Variants in MYLIP observed in about 807,000 individuals in gnomAD.
MYLIP encodes the protein E3 ubiquitin-protein ligase MYLIP.
Under a neutral mutation model 45.8 loss-of-function variants are expected in MYLIP, and 26 were observed. That is an observed-to-expected ratio of 0.57 (90% CI 0.42 to 0.79). The LOEUF (loss-of-function observed/expected upper bound fraction) is 0.79, where lower values mean the gene tolerates loss of function less well. Ranked by LOEUF, MYLIP falls within the 30% of genes least tolerant of loss-of-function variation. MYLIP has a pLI of 0.00. For missense variants in MYLIP, 494 were observed against 555.6 expected (o/e 0.89, Z 1.11); for synonymous variants, 213 against 218.1 (o/e 0.98, Z 0.21).
At chr6:16,141,238 A>C (rs1219381668) in intron 2 of MYLIP, among the ~76,000 whole-genome samples, 1 of 152,130 alleles carries the variant, frequency 6.6e-6, no homozygotes, top group Non-Finnish European at 1.5e-5. Context: ...AAAGGTGAGA[A>C]TTTTGTCTTT....
Position 16,143,828 on chromosome 6 carries a change from C to G in MYLIP, c.792C>G (p.Leu264=). The G allele has an allele frequency of 6.2e-7, 1 of 1,613,192 alleles. No homozygotes were observed. Reference sequence around the variant, plus strand: ...TCAGCACCAGGGCGGCCAGCGGGCTCTACCGAGCGATAACAGAGACGCACG... The same window carrying G: ...TCAGCACCAGGGCGGCCAGCGGGCTGTACCGAGCGATAACAGAGACGCACG... The part of the protein sequence containing the change: ...KMISTRAASG[L]YRAITETHAF... Residue 264 remains leucine, a synonymous_variant, in exon 5 of 7, where the codon CTC becomes CTG. Coordinates refer to ENST00000356840, the MANE Select transcript of MYLIP (RefSeq NM_013262.4).
chr6:16,129,208 C>A lies in MYLIP; in HGVS notation c.-115C>A. The A allele has an allele frequency of 8.9e-7, 1 of 1,118,198 alleles. No homozygotes were observed. 69.3% of individuals were successfully genotyped at this position (1,118,198 alleles called of 1,614,324 possible). Reference sequence around the variant, plus strand: ...CCCCGGACAAGGGTCCGCAGAGCTGCAGCCTTCGAGGGCCAGCCCTCTCCG... The same window carrying A: ...CCCCGGACAAGGGTCCGCAGAGCTGAAGCCTTCGAGGGCCAGCCCTCTCCG... On this transcript the variant is annotated 5_prime_UTR_variant, in exon 1 of 7. Transcript: ENST00000356840. This position sits in a 1 kb window ranked among gnomAD's most constrained non-coding sequence, Gnocchi z 5.1.
chr6:16,138,197 C>T (rs1278773587), intron 2 of MYLIP, among the ~76,000 whole-genome samples: 1 of 152,068 alleles, frequency 6.6e-6, no homozygotes, highest in African/African-American at 2.4e-5. Flanking sequence ...TAGGATGTAG[C>T]CTCTATTGAA....
rs565060432 is a variant in MYLIP, at chr6:16,145,920, C to T, written c.1248+603C>T. Among the ~76,000 whole-genome samples, 129 of 152,254 alleles carry T rather than the reference C, an allele frequency of 8.5e-4. 2 individuals are homozygous for T. The highest frequency in any genetic ancestry group is 2.8e-3 in the African/African-American group (116 of 41,546). On this transcript the variant is annotated intron_variant, in intron 6 of 6. Transcript: ENST00000356840. ...TTGCATGAAGAAGAATTTTAAATTT[C>T]CTCTTACAAGTTTTTTCAATTTGTT...
Position 16,143,717 on chromosome 6 carries a change from G to A in MYLIP, c.681G>A (p.Val227=). Residue 227 remains valine, a synonymous_variant, in exon 5 of 7, where the codon GTG becomes GTA. Coordinates refer to ENST00000356840, the MANE Select transcript of MYLIP (RefSeq NM_013262.4). Reference sequence around the variant, plus strand: ...CTCTTAGGATAGCTTATCCTGTGGTGCAGATGGCCACCCAGTCAGGAAAGA... The same window carrying A: ...CTCTTAGGATAGCTTATCCTGTGGTACAGATGGCCACCCAGTCAGGAAAGA... The part of the protein sequence containing the change: ...SPINRIAYPV[V]QMATQSGKNV... 6.2e-7 allele frequency: 1 copy of A among 1,614,098 alleles called. No homozygotes were observed. The highest frequency in any genetic ancestry group is 8.5e-7 in the Non-Finnish European group (1 of 1,180,002).
chr6:16,141,391 G>C (rs918348716), intron 2 of MYLIP, among the ~76,000 whole-genome samples: 1 of 152,176 alleles, frequency 6.6e-6, no homozygotes, highest in Admixed American at 6.5e-5. Context: ...TACCGAACTT[G>C]TGTTAAATAA....
At chr6:16,149,317 G>GAAAACC (rs1182496122), downstream of MYLIP, among the ~76,000 whole-genome samples, 3 of 152,194 alleles carry the variant, frequency 2.0e-5, no homozygotes, top group Non-Finnish European at 2.9e-5. Context: ...TAAGCTCAGT[G>GAAAACC]ACTAACATGA....
At chr6:16,139,226 C>A (rs1759614581) in intron 2 of MYLIP, among the ~76,000 whole-genome samples, 1 of 152,130 alleles carries the variant, frequency 6.6e-6, no homozygotes, top group South Asian at 2.1e-4. Context: ...CACGGTGAAA[C>A]CCCGTCTCTA....
intron 2 of MYLIP, among the ~76,000 whole-genome samples, chr6:16,133,667 C>T (rs1012272747): frequency 6.6e-6 from 1 of 152,218 alleles, no homozygotes; most frequent in African/African-American, 2.4e-5. Flanking sequence ...ATTTTGTCAA[C>T]ATTTCCAAAA....
chr6:16,144,119 A>T (rs1199668772), intron 5 of MYLIP, among the ~76,000 whole-genome samples: 1 of 152,072 alleles, frequency 6.6e-6, no homozygotes, highest in Non-Finnish European at 1.5e-5. Context: ...TTATGCCATT[A>T]ATCTAGACAC....
At chr6:16,141,915 A>G in intron 3 of MYLIP, 105 bp downstream of exon 3, 1 of 1,107,784 alleles carries the variant, frequency 9.0e-7, no homozygotes, top group Non-Finnish European at 1.2e-6. Flanking sequence ...AGTTTTATGT[A>G]CATTTTTGAG....
chr6:16,135,846 A>C (rs955549689), intron 2 of MYLIP, among the ~76,000 whole-genome samples: 11 of 147,932 alleles, frequency 7.4e-5, no homozygotes, highest in Admixed American at 1.4e-4. Context: ...TGTACACTAT[A>C]TATTCTACTC....
intron 2 of MYLIP, 154 bp from the exon 3 acceptor site, chr6:16,141,471 C>T (rs907764001): frequency 4.5e-6 from 3 of 661,748 alleles, no homozygotes; most frequent in African/African-American, 3.6e-5. Flanking sequence ...TGCCTTAATA[C>T]TGATGATTTT....
downstream of MYLIP, among the ~76,000 whole-genome samples, chr6:16,148,443 C>CTT (rs755832345): frequency 2.8e-5 from 3 of 106,790 alleles, no homozygotes; most frequent in Non-Finnish European, 4.1e-5. Context: ...AGAGTATAGT[C>CTT]TTTTTTTTTT....
At chr6:16,152,188 T>C (rs1283310100), downstream of MYLIP, among the ~76,000 whole-genome samples, 6 of 152,196 alleles carry the variant, frequency 3.9e-5, no homozygotes, top group African/African-American at 7.2e-5. Flanking sequence ...TGAAGAGACA[T>C]GACTGCTGGA....
At chr6:16,152,186 C>G (rs1759886839), downstream of MYLIP, among the ~76,000 whole-genome samples, 1 of 152,204 alleles carries the variant, frequency 6.6e-6, no homozygotes, top group Non-Finnish European at 1.5e-5. Flanking sequence ...CATGAAGAGA[C>G]ATGACTGCTG....
the MYLIP span, among the ~76,000 whole-genome samples, chr6:16,154,682 C>G: frequency 6.6e-6 from 1 of 152,114 alleles, no homozygotes; most frequent in Non-Finnish European, 1.5e-5. Flanking sequence ...TTTTGTTTTG[C>G]TTTGCTTTTA....
At chr6:16,156,524 C>G in the MYLIP span, among the ~76,000 whole-genome samples, 1 of 152,220 alleles carries the variant, frequency 6.6e-6, no homozygotes, top group Non-Finnish European at 1.5e-5. Flanking sequence ...AAGACACAAG[C>G]TGCACCTCTT....
chr6:16,129,770 G>A lies in MYLIP; in HGVS notation c.87+361G>A, dbSNP rs1425233857. ...GTGATGCCGCCTGTCGGGTCCCCGC[G>A]GCGCCTGGCAGTGCCACCCGCGTGC... On this transcript the variant is annotated intron_variant, in intron 1 of 6. Transcript: ENST00000356840. The surrounding 1 kb of genome is among the most constrained non-coding windows in gnomAD (Gnocchi z 5.1). 6.6e-6 allele frequency among the ~76,000 whole-genome samples: 1 copy of A among 152,234 alleles called. No homozygotes were observed. The highest frequency in any genetic ancestry group is 1.5e-5 in the Non-Finnish European group (1 of 68,038).
Sources: gnomAD v4.1 joint callset for allele counts (sites outside exome capture counted in the v4.1 genomes callset) on GRCh38, gnomAD v4.1.1 for gene constraint, Gnocchi (gnomAD v3.1) non-coding constraint, MANE v1.5 for transcripts, NCBI Gene and HGNC (gene_info 2026-07-23, HGNC 2026-07-21) for gene names.